Variants in ADAMTSL1 observed in about 807,000 individuals in gnomAD.
The protein encoded by ADAMTSL1 is ADAMTS-like protein 1.
In ADAMTSL1, 126 loss-of-function variants were observed where a neutral mutation model predicts 201.8. The observed-to-expected ratio is 0.62, with a 90% CI of 0.54 to 0.72. ADAMTSL1 has a LOEUF of 0.72. ADAMTSL1 is among the 30% of genes least tolerant of loss of function. The pLI is 0.00. For missense variants in ADAMTSL1, 2,679 were observed against 2,277.8 expected, an observed-to-expected ratio of 1.18 and a Z score of -3.59; for synonymous variants, 1,121 against 903.4, an observed-to-expected ratio of 1.24 and a Z score of -4.32.
At chr9:17,907,090 C>A (rs987450460) in intron 1 of ADAMTSL1, among the ~76,000 whole-genome samples, 1 of 152,308 alleles carries the variant, frequency 6.6e-6, no homozygotes, top group Non-Finnish European at 1.5e-5. Flanking sequence ...GGGGCTAAGG[C>A]GTACCCTGGG....
chr9:18,290,788 T>TTTG (rs1563862926), intron 2 of ADAMTSL1, among the ~76,000 whole-genome samples: 1 of 43,096 alleles, frequency 2.3e-5, no homozygotes, highest in Non-Finnish European at 5.8e-5. Context: ...TGTGTTTTTT[T>TTTG]TTTTTTTTTT....
chr9:18,744,693 G>T (rs906050732), intron 15 of ADAMTSL1, among the ~76,000 whole-genome samples: 3 of 152,196 alleles, frequency 2.0e-5, no homozygotes, highest in Admixed American at 6.5e-5. Flanking sequence ...TGAGTGAATT[G>T]TTAAGTAACT....
At chr9:18,373,123 T>A (rs912767586) in intron 2 of ADAMTSL1, among the ~76,000 whole-genome samples, 19 of 152,206 alleles carry the variant, frequency 1.2e-4, no homozygotes, top group African/African-American at 4.3e-4. Context: ...TGGAGTCTAT[T>A]CCCATCCAAC....
At chr9:18,056,769 C>G (rs899750292) in intron 1 of ADAMTSL1, among the ~76,000 whole-genome samples, 19 of 152,146 alleles carry the variant, frequency 1.2e-4, no homozygotes, top group African/African-American at 4.3e-4. Flanking sequence ...ATTTCCCCAG[C>G]GCATTCTCTA....
intron 1 of ADAMTSL1, among the ~76,000 whole-genome samples, chr9:18,105,606 A>G (rs1363763366): frequency 6.6e-6 from 1 of 152,200 alleles, no homozygotes; most frequent in East Asian, 1.9e-4. Flanking sequence ...ACATAGCAAC[A>G]AGAATGCAGA....
chr9:18,721,471 A>C (rs1833365640), intron 14 of ADAMTSL1, 65 bp from the exon 15 acceptor site: 8 of 1,584,956 alleles, frequency 5.0e-6, no homozygotes, highest in Non-Finnish European at 6.9e-6. Context: ...CCTTGTCTAC[A>C]CTTCATCACC....
rs188702312 is a variant in ADAMTSL1, at chr9:18,802,757, T to G, written c.3805+7233T>G. Among the ~76,000 whole-genome samples, 296 of 152,286 alleles carry G rather than the reference T, an allele frequency of 1.9e-3. 2 individuals carry two copies. The South Asian group carries it at 0.029, about 15-fold the overall frequency. On this transcript the variant is annotated intron_variant, in intron 20 of 28. Coordinates refer to ENST00000380548, the MANE Select transcript of ADAMTSL1 (RefSeq NM_001040272.6). Reference sequence around the variant, plus strand: ...GAAATTTCTGGGTTGTTTGGCGCATTTATGTTTACTATTGAAGAAAGTGCC... The same window carrying G: ...GAAATTTCTGGGTTGTTTGGCGCATGTATGTTTACTATTGAAGAAAGTGCC...
At chr9:18,035,605 G>A (rs1821161358) in intron 1 of ADAMTSL1, among the ~76,000 whole-genome samples, 1 of 152,010 alleles carries the variant, frequency 6.6e-6, no homozygotes, top group Non-Finnish European at 1.5e-5. Context: ...ATCTAAAATT[G>A]CAACCTATTT....
intron 19 of ADAMTSL1, among the ~76,000 whole-genome samples, chr9:18,786,760 A>G (rs547415208): frequency 6.6e-6 from 1 of 152,248 alleles, no homozygotes; most frequent in East Asian, 1.9e-4. Context: ...GAGAATTATC[A>G]GCCTAAATCC....
chr9:18,168,876 GTGA>G (rs1387032567), intron 2 of ADAMTSL1, among the ~76,000 whole-genome samples: 2 of 151,156 alleles, frequency 1.3e-5, no homozygotes, highest in East Asian at 1.9e-4. Context: ...CTGATGGCCA[GTGA>G]TGATGAGCAT....
At chr9:18,846,917 C>A (rs907246207) in intron 23 of ADAMTSL1, among the ~76,000 whole-genome samples, 4 of 152,126 alleles carry the variant, frequency 2.6e-5, no homozygotes, top group Non-Finnish European at 4.4e-5. Context: ...CTCTCATGTA[C>A]CTCCTAGTGG....
intron 1 of ADAMTSL1, among the ~76,000 whole-genome samples, chr9:17,967,741 A>G (rs1442261645): frequency 6.6e-6 from 1 of 152,076 alleles, no homozygotes; most frequent in East Asian, 1.9e-4. Context: ...TGTCCTATTG[A>G]GGATGGTAAC....
At chr9:18,357,162 G>C (rs146768446) in intron 2 of ADAMTSL1, among the ~76,000 whole-genome samples, 50 of 152,146 alleles carry the variant, frequency 3.3e-4, no homozygotes, top group African/African-American at 1.1e-3. Context: ...CTTTTTAATA[G>C]AAAGGACTCT....
intron 2 of ADAMTSL1, among the ~76,000 whole-genome samples, chr9:18,531,983 A>G (rs1266618208): frequency 6.6e-6 from 1 of 152,162 alleles, no homozygotes; most frequent in East Asian, 1.9e-4. Flanking sequence ...ATGGTACTCT[A>G]TCTCTCCGGG....
At chr9:18,344,789 C>T (rs943222868) in intron 2 of ADAMTSL1, among the ~76,000 whole-genome samples, 6 of 152,054 alleles carry the variant, frequency 3.9e-5, no homozygotes, top group South Asian at 2.1e-4. Flanking sequence ...TAGCAACAGG[C>T]GCCAAGTCTA....
intron 14 of ADAMTSL1, 98 bp downstream of exon 14, chr9:18,707,146 T>C: frequency 1.4e-6 from 2 of 1,426,878 alleles, no homozygotes; most frequent in Non-Finnish European, 1.9e-6. Flanking sequence ...AATCCAAGAA[T>C]GATAAGCAGG....
chr9:18,048,036 C>T (rs940661389), intron 1 of ADAMTSL1, among the ~76,000 whole-genome samples: 5 of 152,124 alleles, frequency 3.3e-5, no homozygotes, highest in Admixed American at 1.3e-4. Flanking sequence ...AGAATTGCCC[C>T]ATTTAGGGAC....
intron 9 of ADAMTSL1, among the ~76,000 whole-genome samples, chr9:18,670,243 C>T (rs1334432252): frequency 6.6e-6 from 1 of 152,166 alleles, no homozygotes; most frequent in African/African-American, 2.4e-5. Context: ...GTCTGGGCCC[C>T]CACACTGTCC....
chr9:18,895,599 A>C (rs1829580538), intron 26 of ADAMTSL1, among the ~76,000 whole-genome samples: 1 of 152,102 alleles, frequency 6.6e-6, no homozygotes, highest in Non-Finnish European at 1.5e-5. Flanking sequence ...CTTGAGTGAG[A>C]CTCTGGGAAA....
Sources: gnomAD v4.1 joint callset for allele counts (sites outside exome capture counted in the v4.1 genomes callset) on GRCh38, gnomAD v4.1.1 for gene constraint, MANE v1.5 for transcripts, NCBI Gene and HGNC (gene_info 2026-07-23, HGNC 2026-07-21) for gene names.